Variants in MMP16 observed in about 807,000 individuals in gnomAD.
The protein encoded by MMP16 is matrix metallopeptidase 16.
A neutral mutation model predicts 67.8 loss-of-function variants in MMP16; 12 were observed. The ratio of observed to expected loss-of-function variants is 0.18; its 90% CI spans 0.11 to 0.29. The LOEUF (loss-of-function observed/expected upper bound fraction) is 0.29. Among genes scored for constraint, MMP16 ranks in the 10% least tolerant of loss-of-function variants. The probability of loss-of-function intolerance (pLI) is 1.00; values close to 1 mark genes in which losing one functional copy is unlikely to be tolerated. For synonymous variants in MMP16, 249 were observed against 255.9 expected (o/e 0.97, Z 0.26); for missense variants, 475 against 765.7 (o/e 0.62, Z 4.48).
chr8:88,121,122 A>G (rs1807823059), intron 4 of MMP16, among the ~76,000 whole-genome samples: 1 of 151,548 alleles, frequency 6.6e-6, no homozygotes, highest in Non-Finnish European at 1.5e-5. Context: ...ACAAAAAGAC[A>G]AAAACAACAC....
chr8:88,204,390 T>C (rs1461043694), intron 1 of MMP16, among the ~76,000 whole-genome samples: 3 of 152,158 alleles, frequency 2.0e-5, no homozygotes, highest in African/African-American at 7.2e-5. Flanking sequence ...GCTATGACTA[T>C]TTTTAAGATA....
intron 1 of MMP16, among the ~76,000 whole-genome samples, chr8:88,295,814 G>A (rs80337436): frequency 6.6e-6 from 1 of 152,150 alleles, no homozygotes; most frequent in Non-Finnish European, 1.5e-5. Flanking sequence ...GTGAAGCACA[G>A]ATGGTAGGTA....
At chr8:88,244,054 A>T (rs80339688) in intron 1 of MMP16, among the ~76,000 whole-genome samples, 9 of 708 alleles carry the variant, frequency 0.013, no homozygotes, top group Non-Finnish European at 0.12. Context: ...TCATCCAGTG[A>T]AAAGTTCTAG....
chr8:88,217,945 C>T (rs1809620449), intron 1 of MMP16, among the ~76,000 whole-genome samples: 1 of 151,974 alleles, frequency 6.6e-6, no homozygotes, highest in Non-Finnish European at 1.5e-5. Context: ...CAGAACACTG[C>T]ACCTTGGTTC....
intron 1 of MMP16, among the ~76,000 whole-genome samples, chr8:88,314,197 A>T (rs1811342303): frequency 6.6e-6 from 1 of 152,100 alleles, no homozygotes; most frequent in Non-Finnish European, 1.5e-5. Flanking sequence ...TTTCAAGTTT[A>T]TTTTTAATCT....
intron 3 of MMP16, among the ~76,000 whole-genome samples, chr8:88,184,751 A>C (rs1266511680): frequency 8.4e-5 from 1 of 11,870 alleles, no homozygotes; most frequent in Non-Finnish European, 2.1e-4. Context: ...TGTCTCAAAA[A>C]AAAAAAAAAA....
intron 3 of MMP16, among the ~76,000 whole-genome samples, chr8:88,169,909 A>G (rs992428248): frequency 4.6e-5 from 7 of 152,202 alleles, no homozygotes; most frequent in African/African-American, 1.4e-4. Flanking sequence ...CAGAGACATG[A>G]CATTTGACTT....
intron 1 of MMP16, among the ~76,000 whole-genome samples, chr8:88,278,653 G>T (rs957247073): frequency 6.6e-6 from 1 of 152,196 alleles, no homozygotes; most frequent in East Asian, 1.9e-4. Context: ...AGAGGATTTT[G>T]TACATAATTT....
chr8:88,088,312 C>T (rs1023583973), intron 6 of MMP16, among the ~76,000 whole-genome samples: 2 of 151,418 alleles, frequency 1.3e-5, no homozygotes, highest in Non-Finnish European at 2.9e-5. Context: ...ACTTAAAAGC[C>T]CTGAGCAAGT....
In MMP16 at chr8:88,116,504, T is replaced by C. The variant is rs745647116; in HGVS notation, c.1083+3A>G. ...TAAAAAAAAAAAAATCACAGTCTCC[T>C]ACCTTGAAAACAAACATCTCACGAC... On this transcript the variant is annotated splice_donor_region_variant and intron_variant, in intron 6 of 9. Transcript: ENST00000286614. The C allele has an allele frequency of 3.1e-6, 5 of 1,611,788 alleles. No individual in the cohort carries two copies. The South Asian group carries it at 3.3e-5, about 11-fold the overall frequency.
At chr8:88,310,296 A>G (rs1811275583) in intron 1 of MMP16, among the ~76,000 whole-genome samples, 1 of 150,442 alleles carries the variant, frequency 6.6e-6, no homozygotes, top group Admixed American at 6.6e-5. Context: ...ATACTGTCAT[A>G]TGATGGAGAT....
intron 7 of MMP16, among the ~76,000 whole-genome samples, chr8:88,063,567 C>G (rs993344473): frequency 6.6e-6 from 1 of 150,546 alleles, no homozygotes; most frequent in Admixed American, 6.6e-5. Flanking sequence ...AACTGAGCCA[C>G]TGTTAATGAT....
At chr8:88,157,776 C>T (rs1028992961) in intron 4 of MMP16, among the ~76,000 whole-genome samples, 1 of 152,086 alleles carries the variant, frequency 6.6e-6, no homozygotes, top group African/African-American at 2.4e-5. Flanking sequence ...CACCCATTAA[C>T]TCGTCATTTA....
chr8:88,178,913 TA>T (rs1808935055), intron 3 of MMP16, among the ~76,000 whole-genome samples: 1 of 152,012 alleles, frequency 6.6e-6, no homozygotes. Flanking sequence ...AGTGTAATAT[TA>T]GCTGTGGGTT....
chr8:88,278,047 AG>A (rs1175949077), intron 1 of MMP16, among the ~76,000 whole-genome samples: 1 of 152,236 alleles, frequency 6.6e-6, no homozygotes, highest in Non-Finnish European at 1.5e-5. Context: ...TATACATGGC[AG>A]GCAAAATGGC....
chr8:88,179,161 A>G (rs755900655), intron 3 of MMP16, among the ~76,000 whole-genome samples: 43 of 152,116 alleles, frequency 2.8e-4, no homozygotes, highest in Non-Finnish European at 5.2e-4. Flanking sequence ...TATCATATTC[A>G]AAGCAGAAAA....
intron 3 of MMP16, among the ~76,000 whole-genome samples, chr8:88,169,253 T>C (rs1346318869): frequency 6.6e-6 from 1 of 152,174 alleles, no homozygotes; most frequent in African/African-American, 2.4e-5. Context: ...ATAATATGCA[T>C]ATTATATTTT....
At chr8:88,223,760 C>T (rs1809724424) in intron 1 of MMP16, among the ~76,000 whole-genome samples, 1 of 151,320 alleles carries the variant, frequency 6.6e-6, no homozygotes, top group Non-Finnish European at 1.5e-5. Flanking sequence ...TTAATGGGTG[C>T]AGCACACCAA....
At chr8:88,088,278 G>A (rs1347305031) in intron 6 of MMP16, among the ~76,000 whole-genome samples, 1 of 151,318 alleles carries the variant, frequency 6.6e-6, no homozygotes, top group Non-Finnish European at 1.5e-5. Context: ...CAGAGAGAGA[G>A]AAAAGAAATA....
Sources: allele counts gnomAD v4.1 joint callset (sites outside exome capture counted in the v4.1 genomes callset), GRCh38; gene constraint gnomAD v4.1.1; transcripts MANE v1.5; gene names NCBI Gene and HGNC (gene_info 2026-07-23, HGNC 2026-07-21).